Variants in LAMA2 observed in about 807,000 individuals in gnomAD.
LAMA2 encodes the protein laminin subunit alpha-2.
LAMA2 carries 269 observed loss-of-function variants against 364.8 expected under a neutral mutation model. That is an observed-to-expected ratio of 0.74 (90% CI 0.67 to 0.82). LAMA2 has a LOEUF of 0.82. Among genes scored for constraint, LAMA2 ranks in the 40% least tolerant of loss-of-function variants. The pLI is 0.00. For missense variants in LAMA2, 3,807 were observed against 3,873.2 expected (o/e 0.98, Z 0.45); for synonymous variants, 1,379 against 1,370.6 (o/e 1.01, Z -0.14).
At chr6:128,920,459 A>C (rs1398615463) in intron 1 of LAMA2, among the ~76,000 whole-genome samples, 3 of 151,986 alleles carry the variant, frequency 2.0e-5, no homozygotes, top group East Asian at 1.9e-4. Context: ...CCGGTCCCTC[A>C]TGCTCCATTT....
At position 129,427,862 on chromosome 6, in the gene LAMA2, T is replaced by G; in HGVS notation, c.5968+8T>G. On this transcript the variant is annotated splice_region_variant and intron_variant, in intron 41 of 64. Transcript: ENST00000421865. Reference sequence around the variant, plus strand: ...TAGCAAATGATGTAAAAGGTCAGTGTGGCCATAGTTTTTATTATATTCCAG... The same window carrying G: ...TAGCAAATGATGTAAAAGGTCAGTGGGGCCATAGTTTTTATTATATTCCAG... The G allele has an allele frequency of 6.4e-7, 1 of 1,560,172 alleles. No individual in the cohort carries two copies. Among genetic ancestry groups the G allele is most frequent in the South Asian group, 1.1e-5 (1 of 89,960 alleles).
chr6:129,043,623 C>T (rs1254523875), intron 1 of LAMA2, among the ~76,000 whole-genome samples: 1 of 152,074 alleles, frequency 6.6e-6, no homozygotes, highest in Admixed American at 6.6e-5. Context: ...GTACAATCTC[C>T]GTTGATTGCT....
intron 29 of LAMA2, among the ~76,000 whole-genome samples, chr6:129,338,308 A>G (rs1000072819): frequency 2.0e-5 from 3 of 152,178 alleles, no homozygotes; most frequent in Non-Finnish European, 4.4e-5. Flanking sequence ...TGGCACATTC[A>G]TCTCTATAAA....
At chr6:129,478,364 T>C (rs1784184364) in intron 53 of LAMA2, among the ~76,000 whole-genome samples, 1 of 152,166 alleles carries the variant, frequency 6.6e-6, no homozygotes, top group South Asian at 2.1e-4. Context: ...TTCTCTTTGG[T>C]GAAAAAAATA....
intron 1 of LAMA2, among the ~76,000 whole-genome samples, chr6:128,987,140 G>GTTTTTTTTTTTTTTTTTTTTTTTT (rs764115716): frequency 2.5e-5 from 3 of 121,392 alleles, no homozygotes; most frequent in Non-Finnish European, 5.0e-5. Flanking sequence ...TTTTTTTTTT[G>GTTTTTTTTTTTTTTTTTTTTTTTT]TTTTTTTTTT....
intron 1 of LAMA2, among the ~76,000 whole-genome samples, chr6:128,966,463 A>T (rs553511036): frequency 1.1e-4 from 16 of 152,220 alleles, no homozygotes; most frequent in Non-Finnish European, 2.1e-4. Context: ...CCCTTAAAAT[A>T]ACAAAATAAA....
chr6:129,466,281 G>A (rs1214283679), intron 51 of LAMA2, among the ~76,000 whole-genome samples: 1 of 151,880 alleles, frequency 6.6e-6, no homozygotes, highest in Admixed American at 6.6e-5. Context: ...TGTAGCCAGC[G>A]AGCAATCTCA....
intron 12 of LAMA2, among the ~76,000 whole-genome samples, chr6:129,246,896 C>T (rs996247095): frequency 6.6e-6 from 1 of 152,072 alleles, no homozygotes; most frequent in Non-Finnish European, 1.5e-5. Flanking sequence ...ATTCTCAAAG[C>T]TTTTTCCCTG....
chr6:129,153,504 G>T (rs768780023), intron 7 of LAMA2, among the ~76,000 whole-genome samples: 2 of 152,150 alleles, frequency 1.3e-5, no homozygotes, highest in East Asian at 3.8e-4. Context: ...TTCATTCACC[G>T]GGTAGGATGT....
At chr6:129,286,069 T>A (rs1159501221) in intron 18 of LAMA2, among the ~76,000 whole-genome samples, 1 of 152,168 alleles carries the variant, frequency 6.6e-6, no homozygotes, top group African/African-American at 2.4e-5. Context: ...TAAAGTACTC[T>A]CAATATAATG....
chr6:129,132,094 C>T (rs1777515965), intron 4 of LAMA2, among the ~76,000 whole-genome samples: 1 of 152,128 alleles, frequency 6.6e-6, no homozygotes, highest in Admixed American at 6.5e-5. Context: ...TATAGGCCAT[C>T]CCCAGAGCAA....
At chr6:129,343,688 C>T (rs1208483141) in intron 30 of LAMA2, among the ~76,000 whole-genome samples, 3 of 152,028 alleles carry the variant, frequency 2.0e-5, no homozygotes, top group Non-Finnish European at 4.4e-5. Context: ...ATAAAAGCTA[C>T]AGGAGATATA....
intron 3 of LAMA2, among the ~76,000 whole-genome samples, chr6:129,060,814 A>G (rs1369766512): frequency 6.6e-6 from 1 of 152,186 alleles, no homozygotes; most frequent in Admixed American, 6.5e-5. Context: ...AGGGCTGCAT[A>G]TATTCAAGAG....
At chr6:129,481,554 A>T (rs1028568833) in intron 55 of LAMA2, 115 bp downstream of exon 55, 2 of 874,262 alleles carry the variant, frequency 2.3e-6, no homozygotes, top group Non-Finnish European at 3.8e-6. Flanking sequence ...TTGGCTAGCA[A>T]GGACTGAACA....
rs770647752 is a variant in LAMA2, at chr6:129,050,008, A to G, written c.203A>G (p.Lys68Arg). 1.2e-6 allele frequency: 2 copies of G among 1,614,124 alleles called. No individual in the cohort carries two copies. Among genetic ancestry groups the G allele is most frequent in the Middle Eastern group, 3.3e-4 (2 of 6,062 alleles). Reference protein sequence around the residue: ...CGEKGPEMYCKLVEHVPGQPV... With the variant: ...CGEKGPEMYCRLVEHVPGQPV... ...GAAAAAGGACCTGAAATGTACTGCAAATTGGTAGAACATGTCCCTGGGCAG... is the reference window on the plus strand; with the variant it reads ...GAAAAAGGACCTGAAATGTACTGCAGATTGGTAGAACATGTCCCTGGGCAG... Residue 68 changes from lysine to arginine, a missense_variant, in exon 2 of 65, where the codon AAA becomes AGA. Coordinates refer to ENST00000421865, the MANE Select transcript of LAMA2 (RefSeq NM_000426.4).
intron 1 of LAMA2, among the ~76,000 whole-genome samples, chr6:128,964,158 G>T (rs778750945): frequency 3.3e-5 from 5 of 151,960 alleles, no homozygotes; most frequent in Non-Finnish European, 7.4e-5. Flanking sequence ...TGAGTTGAAT[G>T]CCTCATATTT....
chr6:128,908,890 T>C (rs1463022076), intron 1 of LAMA2, among the ~76,000 whole-genome samples: 1 of 148,246 alleles, frequency 6.7e-6, no homozygotes, highest in Non-Finnish European at 1.5e-5. Context: ...CATTTCGTTA[T>C]GTACCCAGTA....
chr6:129,237,933 C>G (rs1201502339), intron 12 of LAMA2, among the ~76,000 whole-genome samples: 1 of 148,986 alleles, frequency 6.7e-6, no homozygotes, highest in Admixed American at 6.8e-5. Context: ...CTGAGGCAGG[C>G]GAATCCCTGA....
At chr6:129,091,900 C>T (rs887301335) in intron 3 of LAMA2, among the ~76,000 whole-genome samples, 3 of 152,146 alleles carry the variant, frequency 2.0e-5, no homozygotes, top group Non-Finnish European at 2.9e-5. Flanking sequence ...GTATAAGTAT[C>T]TCTTCAGGGA....
Sources: gnomAD v4.1 joint callset for allele counts (sites outside exome capture counted in the v4.1 genomes callset) on GRCh38, gnomAD v4.1.1 for gene constraint, MANE v1.5 for transcripts, NCBI Gene and HGNC (gene_info 2026-07-23, HGNC 2026-07-21) for gene names.